The following UBE2E2 variants were observed in gnomAD, a reference collection of about 807,000 sequenced individuals.
The protein encoded by UBE2E2 is ubiquitin conjugating enzyme E2 E2, also known as ubiquitin-conjugating enzyme E2 E2.
A neutral mutation model predicts 24.7 loss-of-function variants in UBE2E2; 6 were observed. The ratio of observed to expected loss-of-function variants is 0.24; its 90% CI spans 0.13 to 0.48. The LOEUF is 0.48. Ranked by LOEUF, UBE2E2 falls within the 20% of genes least tolerant of loss-of-function variation. The pLI, the probability that UBE2E2 is intolerant of heterozygous loss-of-function variation, is 0.99. For synonymous variants in UBE2E2, 104 were observed against 83.6 expected (o/e 1.24, Z -1.33); for missense variants, 169 against 245.0 (o/e 0.69, Z 2.07).
intron 3 of UBE2E2, among the ~76,000 whole-genome samples, chr3:23,440,259 G>C (rs1275731532): frequency 1.3e-5 from 2 of 152,210 alleles, no homozygotes; most frequent in Admixed American, 1.3e-4. Flanking sequence ...GAGTGACAGA[G>C]TGAGACTCTG....
At chr3:23,580,027 T>C (rs1264383738) in intron 5 of UBE2E2, among the ~76,000 whole-genome samples, 4 of 152,228 alleles carry the variant, frequency 2.6e-5, no homozygotes, top group Admixed American at 2.0e-4. Flanking sequence ...TATAATCTTA[T>C]GAACAAACTT....
At chr3:23,299,440 T>C (rs1699008092) in intron 3 of UBE2E2, among the ~76,000 whole-genome samples, 1 of 152,190 alleles carries the variant, frequency 6.6e-6, no homozygotes, top group South Asian at 2.1e-4. Flanking sequence ...AATTTCCCTC[T>C]ACACACTGCT....
chr3:23,327,155 G>A (rs1225623831), intron 3 of UBE2E2, among the ~76,000 whole-genome samples: 1 of 152,136 alleles, frequency 6.6e-6, no homozygotes, highest in Admixed American at 6.5e-5. Flanking sequence ...TGTCTTTATA[G>A]CAGCATGATT....
chr3:23,556,453 TTAA>T (rs1178545196), intron 5 of UBE2E2, among the ~76,000 whole-genome samples: 49 of 69,004 alleles, frequency 7.1e-4, no homozygotes, highest in African/African-American at 3.1e-3. Flanking sequence ...TAAAATTTAT[TTAA>T]AAAAAAAAAA....
chr3:23,214,918 A>G (rs1696433853), intron 2 of UBE2E2, among the ~76,000 whole-genome samples: 3 of 152,004 alleles, frequency 2.0e-5, no homozygotes, highest in Admixed American at 1.3e-4. Context: ...TACAACTCTT[A>G]ATAATACACT....
At chr3:23,571,209 C>T (rs182495607) in intron 5 of UBE2E2, among the ~76,000 whole-genome samples, 1 of 150,250 alleles carries the variant, frequency 6.7e-6, no homozygotes, top group East Asian at 1.9e-4. Context: ...CAGAGCACCA[C>T]TGCCCCTCAC....
chr3:23,232,365 T>G (rs529742529), intron 3 of UBE2E2, among the ~76,000 whole-genome samples: 1 of 152,254 alleles, frequency 6.6e-6, no homozygotes, highest in East Asian at 1.9e-4. Context: ...AAATACCTTT[T>G]ACCTGACGTA....
chr3:23,416,963 A>G (rs948185863), intron 3 of UBE2E2, among the ~76,000 whole-genome samples: 1 of 151,904 alleles, frequency 6.6e-6, no homozygotes, highest in African/African-American at 2.4e-5. Flanking sequence ...ACCTTTTTTC[A>G]AGGTTCTTAG....
chr3:23,270,870 A>C (rs1037771838), intron 3 of UBE2E2: 1 of 455,282 alleles, frequency 2.2e-6, no homozygotes, highest in Admixed American at 2.4e-5. Context: ...TTTAATTACA[A>C]GTCTCAGATT....
intron 3 of UBE2E2, among the ~76,000 whole-genome samples, chr3:23,473,929 A>G (rs766499765): frequency 7.2e-5 from 11 of 152,010 alleles, no homozygotes; most frequent in Non-Finnish European, 1.6e-4. Flanking sequence ...CAGTAGCGGG[A>G]TTGCTGGATC....
intron 3 of UBE2E2, among the ~76,000 whole-genome samples, chr3:23,340,450 A>T (rs9310716): frequency 0.042 from 6,342 of 152,230 alleles, 451 homozygotes; most frequent in African/African-American, 0.14. Context: ...ATGATTATAA[A>T]AATAATTACA....
At chr3:23,212,264 T>C (rs1575473321) in intron 2 of UBE2E2, among the ~76,000 whole-genome samples, 1 of 152,218 alleles carries the variant, frequency 6.6e-6, no homozygotes, top group East Asian at 1.9e-4. Flanking sequence ...ACATCTTAGA[T>C]GCATTTTTGC....
chr3:23,374,270 CAAAT>C (rs1696466185), intron 3 of UBE2E2, among the ~76,000 whole-genome samples: 1 of 152,000 alleles, frequency 6.6e-6, no homozygotes, highest in African/African-American at 2.4e-5. Flanking sequence ...ATGTAGAAAA[CAAAT>C]AATGATTAAA....
rs1424119249 is a variant in UBE2E2, at chr3:23,458,426, G to GGTGGTGGTGGTGGTGGTT, written c.228-41180_228-41179insGGTGGTGGTGGTGGTTGT. On this transcript the variant is annotated intron_variant, in intron 3 of 5. Transcript: ENST00000396703. Reference sequence around the variant, plus strand: ...TGGTGGTGGTGGTGGTGGTGGTGGTGGTTGTTGTTGTTTGAGACGGAGTCT... The same window carrying GGTGGTGGTGGTGGTGGTT: ...TGGTGGTGGTGGTGGTGGTGGTGGTGGTGGTGGTGGTGGTGGTTGTTGTTGTTGTTTGAGACGGAGTCT... Among the ~76,000 whole-genome samples the GGTGGTGGTGGTGGTGGTT allele has an allele frequency of 6.0e-3, 892 of 147,900 alleles. 8 individuals are homozygous for GGTGGTGGTGGTGGTGGTT. The highest frequency in any genetic ancestry group is 0.019 in the African/African-American group (723 of 38,562).
intron 3 of UBE2E2, among the ~76,000 whole-genome samples, chr3:23,292,057 A>C (rs1271402780): frequency 6.6e-6 from 1 of 151,812 alleles, no homozygotes; most frequent in African/African-American, 2.4e-5. Flanking sequence ...ACGGGGTTTC[A>C]CCGTGTTAAC....
At chr3:23,485,056 T>C (rs1384369494) in intron 3 of UBE2E2, among the ~76,000 whole-genome samples, 2 of 150,666 alleles carry the variant, frequency 1.3e-5, no homozygotes, top group Non-Finnish European at 2.9e-5. Context: ...GAAGTAATCA[T>C]AGAAAAGTTT....
At chr3:23,217,559 A>G (rs904234015) in intron 3 of UBE2E2, among the ~76,000 whole-genome samples, 1 of 152,120 alleles carries the variant, frequency 6.6e-6, no homozygotes, top group South Asian at 2.1e-4. Flanking sequence ...CAGTAAGACA[A>G]TGAAATTATA....
intron 3 of UBE2E2, among the ~76,000 whole-genome samples, chr3:23,269,268 C>G (rs1698163279): frequency 6.6e-6 from 1 of 152,142 alleles, no homozygotes. Context: ...AACAGGCAAC[C>G]TACAAAATGG....
intron 3 of UBE2E2, among the ~76,000 whole-genome samples, chr3:23,311,804 A>G (rs955123434): frequency 6.6e-6 from 1 of 152,194 alleles, no homozygotes; most frequent in Admixed American, 6.5e-5. Context: ...ATATTTTGAC[A>G]CAGGCTTACA....
Sources: allele counts gnomAD v4.1 joint callset (sites outside exome capture counted in the v4.1 genomes callset), GRCh38; gene constraint gnomAD v4.1.1; transcripts MANE v1.5; gene names NCBI Gene and HGNC (gene_info 2026-07-23, HGNC 2026-07-21).